Variants in LRRTM4 observed in about 807,000 individuals in gnomAD.
LRRTM4 encodes leucine-rich repeat transmembrane neuronal protein 4.
Under a neutral mutation model 47.6 loss-of-function variants are expected in LRRTM4, and 25 were observed. That is an observed-to-expected ratio of 0.53 (90% CI 0.38 to 0.73). The LOEUF is 0.73. LRRTM4 is among the 30% of genes least tolerant of loss of function. LRRTM4 has a pLI of 0.00. For synonymous variants in LRRTM4, 311 were observed against 269.5 expected (o/e 1.15, Z -1.51); for missense variants, 638 against 713.4 (o/e 0.89, Z 1.20).
intron 3 of LRRTM4, among the ~76,000 whole-genome samples, chr2:76,810,306 C>T (rs1044438411): frequency 2.6e-5 from 4 of 152,044 alleles, no homozygotes; most frequent in African/African-American, 9.7e-5. Flanking sequence ...AAAATTTGAA[C>T]ATTTTCTAAG....
intron 3 of LRRTM4, among the ~76,000 whole-genome samples, chr2:77,093,331 GTCGTCCCAA>G (rs1176693655): frequency 6.7e-6 from 1 of 149,592 alleles, no homozygotes; most frequent in African/African-American, 2.5e-5. Context: ...GATGTCCTGA[GTCGTCCCAA>G]TTCTTAGACC....
At position 77,306,897 on chromosome 2, in the gene LRRTM4, A is replaced by T. The variant is rs866307273; in HGVS notation, c.1551+211421T>A. Reference sequence around the variant, plus strand: ...AAATAGCTATATACTGCTTTTCCATATTTTTTTTTTTTTTTTTTTTGAGAT... The same window carrying T: ...AAATAGCTATATACTGCTTTTCCATTTTTTTTTTTTTTTTTTTTTTGAGAT... On this transcript the variant is annotated intron_variant, in intron 3 of 3. Transcript: ENST00000409884. Among the ~76,000 whole-genome samples, 179 of 112,356 alleles carry T rather than the reference A, an allele frequency of 1.6e-3. 1 individual carries two copies. Among genetic ancestry groups the T allele is most frequent in the African/African-American group, 6.5e-3 (150 of 23,102 alleles). The allele number at this position is 112,356 out of a possible 152,430, so 73.7% of individuals were successfully genotyped here.
chr2:76,992,376 GA>G (rs1677039760), intron 3 of LRRTM4, among the ~76,000 whole-genome samples: 1 of 151,782 alleles, frequency 6.6e-6, no homozygotes, highest in African/African-American at 2.4e-5. Flanking sequence ...TCTATACCTA[GA>G]AAACCCTAAA....
chr2:76,963,245 C>G (rs964993038), intron 3 of LRRTM4, among the ~76,000 whole-genome samples: 1 of 150,716 alleles, frequency 6.6e-6, no homozygotes, highest in African/African-American at 2.4e-5. Context: ...ATTTTATAGA[C>G]TACAAACCAA....
At chr2:77,469,178 G>A (rs889455076) in intron 3 of LRRTM4, among the ~76,000 whole-genome samples, 1 of 152,156 alleles carries the variant, frequency 6.6e-6, no homozygotes, top group African/African-American at 2.4e-5. Flanking sequence ...TTTACATTTG[G>A]GGAAAGCAGT....
intron 3 of LRRTM4, among the ~76,000 whole-genome samples, chr2:77,050,547 T>C (rs1679397346): frequency 1.3e-5 from 2 of 152,166 alleles, no homozygotes; most frequent in African/African-American, 4.8e-5. Flanking sequence ...TAAGATATCA[T>C]TATGAAGACC....
intron 3 of LRRTM4, among the ~76,000 whole-genome samples, chr2:76,948,520 G>T (rs183709670): frequency 2.2e-3 from 337 of 151,780 alleles, no homozygotes; most frequent in African/African-American, 7.8e-3. Context: ...AGTAGAATTG[G>T]TAAGAGTAAT....
At chr2:77,403,838 A>G (rs1009382981) in intron 3 of LRRTM4, among the ~76,000 whole-genome samples, 3 of 151,178 alleles carry the variant, frequency 2.0e-5, no homozygotes, top group Non-Finnish European at 2.9e-5. Flanking sequence ...TTAATAGGCC[A>G]TTATGTCTTT....
At chr2:76,872,391 C>G (rs1672648187) in intron 3 of LRRTM4, among the ~76,000 whole-genome samples, 1 of 151,980 alleles carries the variant, frequency 6.6e-6, no homozygotes, top group Admixed American at 6.6e-5. Context: ...TGTAATGGTT[C>G]TTTGAGTGCT....
At chr2:77,520,575 AAC>A (rs1679447139) in intron 2 of LRRTM4, among the ~76,000 whole-genome samples, 1 of 152,114 alleles carries the variant, frequency 6.6e-6, no homozygotes, top group Non-Finnish European at 1.5e-5. Flanking sequence ...AAATACTCAT[AAC>A]AGAGAACACT....
chr2:77,306,641 G>A (rs544940255), intron 3 of LRRTM4, among the ~76,000 whole-genome samples: 2 of 152,226 alleles, frequency 1.3e-5, no homozygotes, highest in South Asian at 4.1e-4. Flanking sequence ...TTTCTGTGAT[G>A]CTGATACCTT....
intron 3 of LRRTM4, among the ~76,000 whole-genome samples, chr2:77,415,696 G>C (rs1372233867): frequency 6.6e-6 from 1 of 151,738 alleles, no homozygotes; most frequent in Non-Finnish European, 1.5e-5. Context: ...CCTTTTACAG[G>C]TTACCTCCTA....
intron 3 of LRRTM4, among the ~76,000 whole-genome samples, chr2:77,384,513 G>A (rs909089431): frequency 6.6e-6 from 1 of 151,652 alleles, no homozygotes; most frequent in African/African-American, 2.4e-5. Context: ...TAATGTTACT[G>A]TTACCATTAG....
At chr2:77,384,223 GT>G (rs879442889) in intron 3 of LRRTM4, among the ~76,000 whole-genome samples, 2,640 of 146,518 alleles carry the variant, frequency 0.018, 42 homozygotes, top group Non-Finnish European at 0.025. Flanking sequence ...GGTAGATAAA[GT>G]TTTTTTTTTT....
chr2:77,264,460 T>G (rs557218979), intron 3 of LRRTM4, among the ~76,000 whole-genome samples: 1 of 152,080 alleles, frequency 6.6e-6, no homozygotes, highest in Non-Finnish European at 1.5e-5. Context: ...TCTTTAGAGA[T>G]CCTATGTCTA....
intron 3 of LRRTM4, among the ~76,000 whole-genome samples, chr2:77,294,651 G>C (rs1335589212): frequency 2.0e-5 from 3 of 152,142 alleles, no homozygotes; most frequent in Non-Finnish European, 4.4e-5. Flanking sequence ...TAAGACTCAA[G>C]TGTGACCTGA....
intron 3 of LRRTM4, among the ~76,000 whole-genome samples, chr2:77,048,997 A>G (rs149302951): frequency 1.2e-3 from 183 of 151,306 alleles, no homozygotes; most frequent in African/African-American, 3.9e-3. Context: ...TAGTTTCCAC[A>G]TACTAGTGAG....
At chr2:77,403,291 A>G (rs949297327) in intron 3 of LRRTM4, among the ~76,000 whole-genome samples, 3 of 151,926 alleles carry the variant, frequency 2.0e-5, no homozygotes, top group African/African-American at 7.2e-5. Flanking sequence ...TTTCAGTGCC[A>G]TTTGGTTTCA....
intron 3 of LRRTM4, among the ~76,000 whole-genome samples, chr2:76,797,830 A>G (rs1675431460): frequency 6.6e-6 from 1 of 151,536 alleles, no homozygotes; most frequent in Admixed American, 6.6e-5. Flanking sequence ...TCTCTGATAA[A>G]ACAGACTTTA....
Sources: gnomAD v4.1 joint callset for allele counts (sites outside exome capture counted in the v4.1 genomes callset) on GRCh38, gnomAD v4.1.1 for gene constraint, MANE v1.5 for transcripts, NCBI Gene and HGNC (gene_info 2026-07-23, HGNC 2026-07-21) for gene names.